Variants in DISP1 observed in about 807,000 individuals in gnomAD.
The protein encoded by DISP1 is protein dispatched homolog 1.
In DISP1, 30 loss-of-function variants were observed where a neutral mutation model predicts 37.3. The ratio of observed to expected loss-of-function variants is 0.80; its 90% CI spans 0.60 to 1.09. DISP1 has a LOEUF of 1.09. DISP1 is among the 50% of genes least tolerant of loss of function. The probability of loss-of-function intolerance (pLI) is 0.00; values close to 1 mark genes in which losing one functional copy is unlikely to be tolerated. For synonymous variants in DISP1, 634 were observed against 690.2 expected (o/e 0.92, Z 1.28); for missense variants, 1,598 against 1,879.5 (o/e 0.85, Z 2.77).
chr1:222,844,922 G>C (rs1379873008), intron 1 of DISP1, among the ~76,000 whole-genome samples: 2 of 152,112 alleles, frequency 1.3e-5, no homozygotes, highest in Admixed American at 1.3e-4. Flanking sequence ...AATATAAAAG[G>C]ATGGGTATTG....
chr1:222,897,620 T>C (rs1671340450), intron 1 of DISP1, among the ~76,000 whole-genome samples: 1 of 152,146 alleles, frequency 6.6e-6, no homozygotes, highest in African/African-American at 2.4e-5. Context: ...GATACTTTAT[T>C]AAGCCTTCTG....
At chr1:222,965,235 C>T (rs1676390735) in intron 3 of DISP1, among the ~76,000 whole-genome samples, 2 of 152,076 alleles carry the variant, frequency 1.3e-5, no homozygotes, top group Admixed American at 1.3e-4. Flanking sequence ...CTCTCTGTGC[C>T]TTAGTTCTCC....
At chr1:222,981,884 G>A (rs1677861781) in intron 3 of DISP1, among the ~76,000 whole-genome samples, 1 of 152,172 alleles carries the variant, frequency 6.6e-6, no homozygotes, top group South Asian at 2.1e-4. Flanking sequence ...CAATAAATTA[G>A]TGTAGTGGTT....
At chr1:222,818,244 G>A (rs945384267) in intron 1 of DISP1, among the ~76,000 whole-genome samples, 1 of 152,178 alleles carries the variant, frequency 6.6e-6, no homozygotes, top group South Asian at 2.1e-4. Context: ...TTAGCACTGA[G>A]GTTTAGAATT....
At chr1:222,877,475 A>G (rs1328473551) in intron 1 of DISP1, among the ~76,000 whole-genome samples, 1 of 152,164 alleles carries the variant, frequency 6.6e-6, no homozygotes, top group African/African-American at 2.4e-5. Context: ...TGATTCTATT[A>G]TCTCCTACAG....
intron 1 of DISP1, among the ~76,000 whole-genome samples, chr1:222,905,490 C>T (rs889819126): frequency 1.3e-5 from 2 of 152,192 alleles, no homozygotes; most frequent in Non-Finnish European, 2.9e-5. Context: ...CTGTAGTTGT[C>T]TTCTTAACAG....
chr1:222,919,127 A>T (rs2125437853), intron 1 of DISP1, among the ~76,000 whole-genome samples: 1 of 152,342 alleles, frequency 6.6e-6, no homozygotes, highest in African/African-American at 2.4e-5. Context: ...ACCAACCGGC[A>T]ATTAAGGGCT....
At chr1:223,002,244 A>G (rs1679508023) in intron 8 of DISP1, 141 bp from the exon 9 acceptor site, 3 of 839,084 alleles carry the variant, frequency 3.6e-6, no homozygotes, top group Non-Finnish European at 6.0e-6. Flanking sequence ...ATTCAAACTG[A>G]TTCCTAGTTT....
intron 1 of DISP1, among the ~76,000 whole-genome samples, chr1:222,830,050 G>A (rs1665356035): frequency 1.3e-5 from 2 of 152,112 alleles, no homozygotes; most frequent in South Asian, 4.1e-4. Flanking sequence ...AAGTTGTGAT[G>A]TTCAGTAATG....
intron 1 of DISP1, among the ~76,000 whole-genome samples, chr1:222,825,313 C>T (rs1252193560): frequency 6.6e-6 from 1 of 151,964 alleles, no homozygotes; most frequent in East Asian, 1.9e-4. Context: ...ATTGATTTAG[C>T]CATTTCATAA....
intron 1 of DISP1, among the ~76,000 whole-genome samples, chr1:222,898,101 T>C (rs1572455877): frequency 6.6e-6 from 1 of 152,176 alleles, no homozygotes; most frequent in Admixed American, 6.5e-5. Context: ...TCCACTTATC[T>C]GTAAAGTTTT....
chr1:222,824,521 G>T (rs1275492804), intron 1 of DISP1, among the ~76,000 whole-genome samples: 1 of 152,146 alleles, frequency 6.6e-6, no homozygotes, highest in Non-Finnish European at 1.5e-5. Context: ...AGAGTTAGCA[G>T]CATGTTGATT....
chr1:222,949,329 G>T (rs746795128), intron 3 of DISP1, among the ~76,000 whole-genome samples: 1 of 151,926 alleles, frequency 6.6e-6, no homozygotes, highest in African/African-American at 2.4e-5. Context: ...GAGAGGTGGA[G>T]GTTGCAGTAA....
intron 2 of DISP1, among the ~76,000 whole-genome samples, chr1:222,935,805 G>A (rs1441634895): frequency 1.3e-5 from 2 of 152,140 alleles, no homozygotes; most frequent in African/African-American, 2.4e-5. Context: ...AGTTCTGACC[G>A]CCAATTCCAA....
At chr1:222,982,402 A>G (rs1677896634) in intron 3 of DISP1, among the ~76,000 whole-genome samples, 1 of 152,236 alleles carries the variant, frequency 6.6e-6, no homozygotes, top group Non-Finnish European at 1.5e-5. Flanking sequence ...TTTCCAGTAA[A>G]TAGGAAAAAA....
chr1:222,942,005 G>GT (rs1456082563), intron 2 of DISP1, among the ~76,000 whole-genome samples: 2 of 148,578 alleles, frequency 1.3e-5, no homozygotes, highest in African/African-American at 2.5e-5. Flanking sequence ...GAGATTGTCT[G>GT]TTTTTTTGTT....
intron 8 of DISP1, among the ~76,000 whole-genome samples, chr1:222,998,166 C>T (rs1180049869): frequency 6.6e-6 from 1 of 151,534 alleles, no homozygotes; most frequent in East Asian, 1.9e-4. Flanking sequence ...GTTGAAGACA[C>T]TGTTAGGGGT....
chr1:222,901,588 C>T (rs1434905687), intron 1 of DISP1, among the ~76,000 whole-genome samples: 1 of 152,080 alleles, frequency 6.6e-6, no homozygotes, highest in African/African-American at 2.4e-5. Flanking sequence ...AGTGCAGTGG[C>T]GCGATCTCTG....
At chr1:222,901,591 G>T (rs1374000592) in intron 1 of DISP1, among the ~76,000 whole-genome samples, 6 of 152,078 alleles carry the variant, frequency 3.9e-5, no homozygotes, top group Non-Finnish European at 8.8e-5. Context: ...GCAGTGGCGC[G>T]ATCTCTGCTC....
Sources: allele counts gnomAD v4.1 joint callset (sites outside exome capture counted in the v4.1 genomes callset), GRCh38; gene constraint gnomAD v4.1.1; transcripts MANE v1.5; gene names NCBI Gene and HGNC (gene_info 2026-07-23, HGNC 2026-07-21).